Variants in PCDHGB1 observed in about 807,000 individuals in gnomAD.
PCDHGB1 encodes the protein protocadherin gamma subfamily B, 1.
PCDHGB1 carries 34 observed loss-of-function variants against 56.6 expected under a neutral mutation model. The observed-to-expected ratio is 0.60, with a 90% CI of 0.46 to 0.80. The LOEUF is 0.80. Ranked by LOEUF, PCDHGB1 falls within the 30% of genes least tolerant of loss-of-function variation. The pLI is 0.00. For missense variants in PCDHGB1, 1,278 were observed against 1,204.6 expected (o/e 1.06, Z -0.90); for synonymous variants, 561 against 505.9 (o/e 1.11, Z -1.46).
chr5:141,382,044 G>T (rs940702463), intron 1 of PCDHGB1, among the ~76,000 whole-genome samples: 4 of 151,760 alleles, frequency 2.6e-5, no homozygotes, highest in African/African-American at 9.7e-5. Flanking sequence ...GGTCAGGCTG[G>T]TCTCAAGCTC....
intron 1 of PCDHGB1, among the ~76,000 whole-genome samples, chr5:141,468,857 C>A (rs1386167428): frequency 2.0e-5 from 3 of 151,962 alleles, no homozygotes; most frequent in Non-Finnish European, 4.4e-5. Context: ...CAGAGCGAGA[C>A]TCCATCTCAA....
At chr5:141,363,513 T>C (rs995820646) in intron 1 of PCDHGB1, among the ~76,000 whole-genome samples, 1 of 152,210 alleles carries the variant, frequency 6.6e-6, no homozygotes, top group Non-Finnish European at 1.5e-5. Context: ...TCCTCCACAG[T>C]TACTATACTG....
At chr5:141,495,800 C>T (rs1351461035) in intron 2 of PCDHGB1, among the ~76,000 whole-genome samples, 5 of 152,134 alleles carry the variant, frequency 3.3e-5, no homozygotes, top group Non-Finnish European at 7.3e-5. Context: ...CTCCTTTCAC[C>T]GTTTCCTAGC....
chr5:141,418,740 T>C, intron 1 of PCDHGB1: 1 of 1,613,972 alleles, frequency 6.2e-7, no homozygotes, highest in Admixed American at 1.7e-5. Context: ...GTGTTCTCTC[T>C]GGATTACACT....
At chr5:141,383,860 G>T (rs772168555) in intron 1 of PCDHGB1, 11 of 1,613,926 alleles carry the variant, frequency 6.8e-6, no homozygotes, top group Non-Finnish European at 9.3e-6. Flanking sequence ...GGAGGTTCAG[G>T]CTCAAGATGG....
intron 1 of PCDHGB1, chr5:141,389,506 G>A: frequency 1.9e-6 from 3 of 1,613,112 alleles, no homozygotes; most frequent in Non-Finnish European, 2.5e-6. Context: ...CCAGCGCTCA[G>A]CGCGAACGTG....
chr5:141,435,940 G>A (rs2097787697), intron 1 of PCDHGB1, among the ~76,000 whole-genome samples: 1 of 152,066 alleles, frequency 6.6e-6, no homozygotes, highest in Admixed American at 6.5e-5. Flanking sequence ...CTGCTTCTGA[G>A]ACCAAAAAAG....
chr5:141,399,720 C>A, intron 1 of PCDHGB1: 1 of 1,613,306 alleles, frequency 6.2e-7, no homozygotes, highest in Non-Finnish European at 8.5e-7. Context: ...TACAGGCCCG[C>A]GACCAGGGCT....
At chr5:141,425,860 A>G (rs1445251215) in intron 1 of PCDHGB1, among the ~76,000 whole-genome samples, 1 of 152,248 alleles carries the variant, frequency 6.6e-6, no homozygotes, top group Non-Finnish European at 1.5e-5. Context: ...TGACTGTTCT[A>G]TAGATTCCCA....
rs368940925 is a variant in PCDHGB1, at chr5:141,360,407, A to G, written c.2409+7738A>G. On this transcript the variant is annotated intron_variant, in intron 1 of 3. Transcript: ENST00000523390. ...GACTTACTTGTGAGTGACAGAATAG[A>G]CCGAGAACAGATATGCGGGAAGCAG... is the stretch of plus-strand genomic sequence containing the variant. 1.3e-4 allele frequency: 215 copies of G among 1,613,834 alleles called. No individual in the cohort carries two copies. Among genetic ancestry groups the G allele is most frequent in the Non-Finnish European group, 1.7e-4 (205 of 1,179,876 alleles).
rs764389909 is a variant in PCDHGB1, at chr5:141,491,064, ACTGTTG to A, written c.2410-3741_2410-3736del. On this transcript the variant is annotated intron_variant, in intron 1 of 3. Transcript: ENST00000523390. The surrounding 1 kb of genome is among the most constrained non-coding windows in gnomAD (Gnocchi z 6.9). ...GCCACAATGCGTGGCTCTCCTACTCACTGTTGCCACAGTCCACAGCCCCAGGACTGT... is the reference window on the plus strand; with the variant it reads ...GCCACAATGCGTGGCTCTCCTACTCACCACAGTCCACAGCCCCAGGACTGT... 1.2e-6 allele frequency: 2 copies of A among 1,613,962 alleles called. No homozygotes were observed. Among genetic ancestry groups the A allele is most frequent in the Admixed American group, 3.3e-5 (2 of 60,010 alleles).
At chr5:141,358,103 T>C (rs887608631) in intron 1 of PCDHGB1, among the ~76,000 whole-genome samples, 2 of 152,130 alleles carry the variant, frequency 1.3e-5, no homozygotes, top group African/African-American at 4.8e-5. Context: ...GGCATGAGAA[T>C]TGCTTGAACC....
At chr5:141,395,099 C>A (rs1337134243) in intron 1 of PCDHGB1, 1 of 1,614,228 alleles carries the variant, frequency 6.2e-7, no homozygotes. Flanking sequence ...TCACCGCCGA[C>A]TCGCGGAAGA....
chr5:141,509,497 G>A (rs1167178592), intron 3 of PCDHGB1, among the ~76,000 whole-genome samples: 1 of 152,196 alleles, frequency 6.6e-6, no homozygotes, highest in Non-Finnish European at 1.5e-5. Flanking sequence ...TGGCATGCTG[G>A]ATGTGACGGT....
chr5:141,378,217 G>A (rs977724774), intron 1 of PCDHGB1: 2 of 152,186 alleles, frequency 1.3e-5, no homozygotes, highest in African/African-American at 4.8e-5. Context: ...CATACTGTGT[G>A]CCTGATAGTA....
chr5:141,494,790 C>A lies in PCDHGB1; in HGVS notation c.2410-17C>A, dbSNP rs909145. 17 of 1,614,014 alleles carry A rather than the reference C, an allele frequency of 1.1e-5. 1 individual carries two copies. The South Asian group carries it at 1.9e-4, about 18-fold the overall frequency. ...TCTCACGGGTACTCAGCCCCTTTCC[C>A]TCTGTTTTCTCCACAGCAAGCCCCG... On this transcript the variant is annotated splice_polypyrimidine_tract_variant and intron_variant, in intron 1 of 3. Transcript: ENST00000523390.
intron 1 of PCDHGB1, chr5:141,478,076 C>A: frequency 6.2e-7 from 1 of 1,614,106 alleles, no homozygotes. Context: ...CAATGGGGAG[C>A]CTTCGCTCTC....
chr5:141,408,437 G>A (rs368564960), intron 1 of PCDHGB1: 1 of 1,614,068 alleles, frequency 6.2e-7, no homozygotes, highest in Admixed American at 1.7e-5. Flanking sequence ...CAGCGTAGAC[G>A]CGGAGAGCGG....
At chr5:141,478,519 G>T (rs778194073) in intron 1 of PCDHGB1, 19 of 1,610,728 alleles carry the variant, frequency 1.2e-5, no homozygotes, top group Non-Finnish European at 1.6e-5. Flanking sequence ...GGCAGGTGTT[G>T]GGTGCAGAGA....
Sources: allele counts gnomAD v4.1 joint callset (sites outside exome capture counted in the v4.1 genomes callset), GRCh38; gene constraint gnomAD v4.1.1; non-coding constraint Gnocchi (gnomAD v3.1); transcripts MANE v1.5; gene names NCBI Gene and HGNC (gene_info 2026-07-23, HGNC 2026-07-21).